Variants in FSD1 observed in about 807,000 individuals in gnomAD.
FSD1 encodes fibronectin type III and SPRY domain-containing protein 1.
A neutral mutation model predicts 58.2 loss-of-function variants in FSD1; 23 were observed. That is an observed-to-expected ratio of 0.40 (90% CI 0.28 to 0.56). The LOEUF is 0.56. FSD1 is among the 20% of genes least tolerant of loss of function. The pLI, the probability that FSD1 is intolerant of heterozygous loss-of-function variation, is 0.54. For missense variants in FSD1, 563 were observed against 670.8 expected, an observed-to-expected ratio of 0.84 and a Z score of 1.78; for synonymous variants, 265 against 263.4, an observed-to-expected ratio of 1.01 and a Z score of -0.06.
intron 4 of FSD1, among the ~76,000 whole-genome samples, chr19:4,309,076 A>AAAAAT (rs929887610): frequency 3.3e-5 from 5 of 152,028 alleles, no homozygotes; most frequent in African/African-American, 1.2e-4. Context: ...CTCTGTTTCA[A>AAAAAT]AAAATAAAAT....
intron 9 of FSD1, 31 bp from the exon 10 acceptor site, chr19:4,318,841 C>T (rs2144768145): frequency 6.3e-7 from 1 of 1,581,886 alleles, no homozygotes; most frequent in Middle Eastern, 1.7e-4. Context: ...AACTGAGCCT[C>T]CTGAGCCTGC....
chr19:4,307,870 TG>T lies in FSD1; in HGVS notation c.244-10del. On this transcript the variant is annotated splice_polypyrimidine_tract_variant and intron_variant, in intron 3 of 12. Coordinates refer to ENST00000221856, the MANE Select transcript of FSD1 (RefSeq NM_024333.3). ...GTGAGTTGTCCCCTCCTTTGGTGCC[TG>T]GTATCCACAGAACCAGCTGGCTGCC... 1.2e-6 allele frequency: 2 copies of T among 1,608,666 alleles called. No individual in the cohort carries two copies. The highest frequency in any genetic ancestry group is 1.7e-6 in the Non-Finnish European group (2 of 1,176,944).
chr19:4,319,496 C>T (rs1167057835), intron 10 of FSD1, among the ~76,000 whole-genome samples: 1 of 152,044 alleles, frequency 6.6e-6, no homozygotes, highest in Non-Finnish European at 1.5e-5. Flanking sequence ...AGGGGAATTG[C>T]TACTGTTCAG....
rs1294055489 is a variant in FSD1, at chr19:4,305,960, G to C, written c.30G>C (p.Lys10Asn). 6.2e-7 allele frequency: 1 copy of C among 1,613,886 alleles called. No individual in the cohort carries two copies. Among genetic ancestry groups the C allele is most frequent in the African/African-American group, 1.3e-5 (1 of 74,920 alleles). The change falls in exon 2 of 13, where the codon AAG (lysine) becomes AAC (asparagine). Residue 10 changes from lysine (K) to asparagine (N), a missense_variant. Coordinates refer to ENST00000221856, the MANE Select transcript of FSD1 (RefSeq NM_024333.3). ...TGGTGGTGCAGGAGGCCCTGAGGAA[G>C]ATCATCAAAACACTGGCTGTGAAGA... MEEQREALRKIIKTLAVKNE... is the reference protein window; with the variant it reads MEEQREALRNIIKTLAVKNE...
chr19:4,305,076 G>A (rs983897151), intron 1 of FSD1, among the ~76,000 whole-genome samples: 4 of 18,206 alleles, frequency 2.2e-4, no homozygotes, highest in African/African-American at 8.3e-4. Context: ...CCGGCCCCCC[G>A]CCCCACCCCT....
chr19:4,319,744 A>G (rs1405915742), intron 10 of FSD1, among the ~76,000 whole-genome samples: 2 of 151,776 alleles, frequency 1.3e-5, no homozygotes, highest in African/African-American at 4.8e-5. Flanking sequence ...AGAGAGAGAG[A>G]GAGATCATCC....
intron 1 of FSD1, among the ~76,000 whole-genome samples, chr19:4,305,315 A>G (rs549464467): frequency 7.3e-6 from 1 of 137,248 alleles, no homozygotes; most frequent in Non-Finnish European, 1.6e-5. Flanking sequence ...CTCCTTGCTT[A>G]TCTTTCTCCC....
chr19:4,323,595 G>A lies in FSD1; in HGVS notation c.1443G>A (p.Leu481=), dbSNP rs773527739. The part of the protein sequence containing the change: ...GLQVPSAVRC[L]QKRGSATSSS... The stretch of plus-strand genomic sequence containing the variant: ...AGGTCCCCAGTGCTGTGCGCTGCCT[G>A]CAAAAGCGAGGCAGTGCTACCAGCA... The change falls in exon 13 of 13, where the codon CTG becomes CTA. Residue 481 remains leucine (L), a synonymous_variant. Coordinates refer to ENST00000221856, the MANE Select transcript of FSD1 (RefSeq NM_024333.3). This position sits in a 1 kb window ranked among gnomAD's most constrained non-coding sequence, Gnocchi z 7.7. The A allele has an allele frequency of 3.7e-6, 6 of 1,613,070 alleles. No individual in the cohort carries two copies.
chr19:4,312,116 G>T, intron 7 of FSD1, 65 bp downstream of exon 7: 1 of 1,381,296 alleles, frequency 7.2e-7, no homozygotes, highest in Non-Finnish European at 9.9e-7. Context: ...CTCCCGTCTC[G>T]CCATCAGTCA....
chr19:4,307,904 G>C lies in FSD1; in HGVS notation c.266G>C (p.Arg89Pro), dbSNP rs1486655771. 3.7e-6 allele frequency: 6 copies of C among 1,613,374 alleles called. No individual in the cohort carries two copies. Among genetic ancestry groups the C allele is most frequent in the African/African-American group, 1.3e-5 (1 of 74,870 alleles). ...CAGAACCAGCTGGCTGCCTGCACGC[G>C]GGCCCTGGAGAGCTCCGAGGAGCTT... ...ELQNQLAACTRALESSEELLE... is the reference protein window; with the variant it reads ...ELQNQLAACTPALESSEELLE... Residue 89 changes from arginine to proline, a missense_variant, in exon 4 of 13, where the codon CGG (arginine) becomes CCG (proline). Arg to Pro is a moderately radical substitution (Grantham distance 103). Coordinates refer to ENST00000221856, the MANE Select transcript of FSD1 (RefSeq NM_024333.3).
rs1971721416 is a variant in FSD1, at chr19:4,323,084, C to T, written c.1138C>T (p.Arg380Cys). The part of the protein sequence containing the change: ...GVGVAYRSLG[R>C]FEQLGKTAAS... Reference sequence around the variant, plus strand: ...GGGCGTGGCCTACCGCAGCCTGGGCCGCTTCGAGCAACTGGGCAAGACGGC... The same window carrying T: ...GGGCGTGGCCTACCGCAGCCTGGGCTGCTTCGAGCAACTGGGCAAGACGGC... The change falls in exon 11 of 13, where the codon CGC (arginine) becomes TGC (cysteine). Residue 380 changes from arginine (R) to cysteine (C), a missense_variant. Transcript: ENST00000221856. The surrounding 1 kb of genome is among the most constrained non-coding windows in gnomAD (Gnocchi z 7.7). The T allele has an allele frequency of 1.2e-6, 2 of 1,610,424 alleles. No individual in the cohort carries two copies. Among genetic ancestry groups the T allele is most frequent in the South Asian group, 1.1e-5 (1 of 91,076 alleles).
chr19:4,323,484 G>C lies in FSD1; in HGVS notation c.1380+48G>C, dbSNP rs566920821. The C allele has an allele frequency of 1.3e-6, 2 of 1,595,274 alleles. No individual in the cohort carries two copies. Among genetic ancestry groups the C allele is most frequent in the Admixed American group, 3.4e-5 (2 of 59,286 alleles). On this transcript the variant is annotated intron_variant, in intron 12 of 12. Coordinates refer to ENST00000221856, the MANE Select transcript of FSD1 (RefSeq NM_024333.3). The surrounding 1 kb of genome is among the most constrained non-coding windows in gnomAD (Gnocchi z 7.7). ...GGGGGAGGAGAGGGTGGTGCTGGGC[G>C]CTGGGGTTTGAAGCTGAGCCCCTCC... is the stretch of plus-strand genomic sequence containing the variant.
In FSD1 at chr19:4,305,986, A is replaced by G; in HGVS notation, c.56A>G (p.Asn19Ser). 6.2e-7 allele frequency: 1 copy of G among 1,614,154 alleles called. No individual in the cohort carries two copies. Among genetic ancestry groups the G allele is most frequent in the Non-Finnish European group, 8.5e-7 (1 of 1,180,026 alleles). The change falls in exon 2 of 13, where the codon AAT becomes AGT. Residue 19 changes from asparagine to serine, a missense_variant. Physicochemically the swap from Asn to Ser is conservative, Grantham distance 46. Coordinates refer to ENST00000221856, the MANE Select transcript of FSD1 (RefSeq NM_024333.3). ...ATCATCAAAACACTGGCTGTGAAGA[A>G]TGAAGAAATTCAGAGCTTTATCTAC... is the stretch of plus-strand genomic sequence containing the variant. ...RKIIKTLAVK[N>S]EEIQSFIYSL...
intron 7 of FSD1, among the ~76,000 whole-genome samples, chr19:4,314,448 C>T (rs1388038894): frequency 6.6e-6 from 1 of 151,624 alleles, no homozygotes. Flanking sequence ...CAGCATAAAA[C>T]CCGGGAAATG....
In FSD1 at chr19:4,323,451, G is replaced by T. The variant is rs758698284; in HGVS notation, c.1380+15G>T. The T allele has an allele frequency of 1.9e-6, 3 of 1,609,600 alleles. No homozygotes were observed. Among genetic ancestry groups the T allele is most frequent in the African/African-American group, 1.3e-5 (1 of 74,826 alleles). On this transcript the variant is annotated intron_variant, in intron 12 of 12. Transcript: ENST00000221856. The surrounding 1 kb of genome is among the most constrained non-coding windows in gnomAD (Gnocchi z 7.7). Reference sequence around the variant, plus strand: ...CTGCTTTCACGGTGAGCTGCCCTCCGCGGCCCAGGGGGAGGAGAGGGTGGT... The same window carrying T: ...CTGCTTTCACGGTGAGCTGCCCTCCTCGGCCCAGGGGGAGGAGAGGGTGGT...
rs766976177 is a variant in FSD1, at chr19:4,310,545, G to C, written c.439G>C (p.Val147Leu). Reference sequence around the variant, plus strand: ...CAGTGACAACATGAGTCACCTCATGGTGGACTTCGCGCAAGAGCGGCAGAT... The same window carrying C: ...CAGTGACAACATGAGTCACCTCATGCTGGACTTCGCGCAAGAGCGGCAGAT... The part of the protein sequence containing the change: ...KVSDNMSHLM[V>L]DFAQERQMLQ... Residue 147 changes from valine to leucine, a missense_variant, in exon 6 of 13, where the codon GTG becomes CTG. By Grantham distance (32) the Val-to-Leu change is conservative. Coordinates refer to ENST00000221856, the MANE Select transcript of FSD1 (RefSeq NM_024333.3). 6.2e-7 allele frequency: 1 copy of C among 1,613,960 alleles called. No homozygotes were observed. The highest frequency in any genetic ancestry group is 8.5e-7 in the Non-Finnish European group (1 of 1,179,982).
intron 4 of FSD1, among the ~76,000 whole-genome samples, chr19:4,308,443 C>T (rs1971649344): frequency 6.6e-6 from 1 of 151,998 alleles, no homozygotes; most frequent in Admixed American, 6.6e-5. Context: ...AGCATTCAGG[C>T]TGGGTGCAGT....
chr19:4,323,666 G>T lies in FSD1; in HGVS notation c.*23G>T. On this transcript the variant is annotated 3_prime_UTR_variant, in exon 13 of 13. Coordinates refer to ENST00000221856, the MANE Select transcript of FSD1 (RefSeq NM_024333.3). The surrounding 1 kb of genome is among the most constrained non-coding windows in gnomAD (Gnocchi z 7.7). ...TAGGCCCCCAGGCACCCACCCAGCT[G>T]GGGTGTTTTTGGGGGAGTCGCCGCC... 6.4e-7 allele frequency: 1 copy of T among 1,572,488 alleles called. No homozygotes were observed. The highest frequency in any genetic ancestry group is 1.1e-5 in the South Asian group (1 of 89,068).
At chr19:4,317,457 G>C (rs1971767262) in intron 8 of FSD1, among the ~76,000 whole-genome samples, 177 bp downstream of exon 8, 1 of 151,370 alleles carries the variant, frequency 6.6e-6, no homozygotes, top group Non-Finnish European at 1.5e-5. Flanking sequence ...TTTGTCCTTT[G>C]CTTCTGAGGT....
Sources: gnomAD v4.1 joint callset for allele counts (sites outside exome capture counted in the v4.1 genomes callset) on GRCh38, gnomAD v4.1.1 for gene constraint, Gnocchi (gnomAD v3.1) non-coding constraint, MANE v1.5 for transcripts, NCBI Gene and HGNC (gene_info 2026-07-23, HGNC 2026-07-21) for gene names.